The following NEK11 variants were observed in gnomAD, a reference collection of about 807,000 sequenced individuals.
NEK11 encodes the protein serine/threonine-protein kinase Nek11.
A neutral mutation model predicts 80.7 loss-of-function variants in NEK11; 72 were observed. The ratio of observed to expected loss-of-function variants is 0.89; its 90% CI spans 0.74 to 1.08. The LOEUF is 1.08. Ranked by LOEUF, NEK11 falls within the 50% of genes least tolerant of loss-of-function variation. The pLI is 0.00. For synonymous variants in NEK11, 251 were observed against 260.7 expected, an observed-to-expected ratio of 0.96 and a Z score of 0.36; for missense variants, 764 against 763.6, an observed-to-expected ratio of 1.00 and a Z score of -0.01.
At chr3:131,066,391 C>T (rs1014406392) in intron 3 of NEK11, among the ~76,000 whole-genome samples, 3 of 151,914 alleles carry the variant, frequency 2.0e-5, no homozygotes, top group African/African-American at 4.8e-5. Context: ...GCACCTCTCC[C>T]TTTTTTTTCC....
intron 17 of NEK11, among the ~76,000 whole-genome samples, chr3:131,275,886 G>A (rs184068875): frequency 1.6e-4 from 24 of 152,318 alleles, no homozygotes; most frequent in Admixed American, 1.3e-3. Context: ...AATGCAAAAC[G>A]TTAAATGACA....
intron 4 of NEK11, among the ~76,000 whole-genome samples, chr3:131,083,114 G>A (rs925328858): frequency 1.3e-5 from 2 of 152,208 alleles, no homozygotes; most frequent in East Asian, 1.9e-4. Context: ...AATTCTGGGG[G>A]TGGGGTTCTG....
chr3:131,124,179 G>A (rs951135858), intron 5 of NEK11, among the ~76,000 whole-genome samples: 2 of 152,146 alleles, frequency 1.3e-5, no homozygotes, highest in African/African-American at 4.8e-5. Context: ...TAAGAGTAGG[G>A]AAGTATTTCC....
intron 16 of NEK11, among the ~76,000 whole-genome samples, chr3:131,244,849 A>G (rs2095573433): frequency 6.6e-6 from 1 of 152,082 alleles, no homozygotes; most frequent in Non-Finnish European, 1.5e-5. Context: ...CCTTGAGCCC[A>G]AGAGATTTAG....
chr3:131,132,234 T>G (rs2084627426), intron 5 of NEK11, among the ~76,000 whole-genome samples: 1 of 152,064 alleles, frequency 6.6e-6, no homozygotes, highest in African/African-American at 2.4e-5. Flanking sequence ...TGCAAAGATT[T>G]TCAAGTTTTC....
At chr3:131,078,597 C>T (rs1191282376) in intron 3 of NEK11, among the ~76,000 whole-genome samples, 1 of 152,064 alleles carries the variant, frequency 6.6e-6, no homozygotes, top group Admixed American at 6.6e-5. Context: ...TCTGGTAATG[C>T]CTGAGGATAT....
intron 15 of NEK11, among the ~76,000 whole-genome samples, chr3:131,236,773 C>T (rs2095438300): frequency 6.6e-6 from 1 of 152,190 alleles, no homozygotes; most frequent in African/African-American, 2.4e-5. Flanking sequence ...TTCCTGATTT[C>T]AGGGAAGCCC....
chr3:131,183,033 C>T (rs1490766964), intron 14 of NEK11, among the ~76,000 whole-genome samples: 2 of 152,188 alleles, frequency 1.3e-5, no homozygotes, highest in South Asian at 2.1e-4. Context: ...TAAATTTAGC[C>T]TCCTTTTATT....
intron 5 of NEK11, among the ~76,000 whole-genome samples, chr3:131,123,111 G>A (rs1307115115): frequency 6.6e-6 from 1 of 152,136 alleles, no homozygotes; most frequent in Non-Finnish European, 1.5e-5. Context: ...GCCAAACATA[G>A]GATAAAATTA....
At chr3:131,305,147 T>C (rs2096709705) in intron 17 of NEK11, among the ~76,000 whole-genome samples, 1 of 150,722 alleles carries the variant, frequency 6.6e-6, no homozygotes, top group South Asian at 2.1e-4. Context: ...AGCAGTGCTA[T>C]GGTGTGTGCA....
At chr3:131,045,445 A>G (rs912022540) in intron 3 of NEK11, among the ~76,000 whole-genome samples, 1 of 152,094 alleles carries the variant, frequency 6.6e-6, no homozygotes, top group Admixed American at 6.5e-5. Flanking sequence ...ATTTCAATGT[A>G]TTTCCATGGT....
At chr3:131,190,674 G>T (rs942626743) in intron 14 of NEK11, among the ~76,000 whole-genome samples, 39 of 152,004 alleles carry the variant, frequency 2.6e-4, no homozygotes, top group African/African-American at 8.9e-4. Context: ...CCATCCTCAG[G>T]TATTCTTTAT....
intron 16 of NEK11, among the ~76,000 whole-genome samples, chr3:131,244,816 T>C (rs1261386729): frequency 2.0e-5 from 3 of 152,032 alleles, no homozygotes; most frequent in East Asian, 1.9e-4. Context: ...CCTAACTCCA[T>C]GGGATGCTGA....
At chr3:131,044,443 A>AAAAAAAGGG (rs71627025) in intron 3 of NEK11, among the ~76,000 whole-genome samples, 1 of 83,614 alleles carries the variant, frequency 1.2e-5, no homozygotes, top group African/African-American at 4.3e-5. Context: ...AAAAAAAAAA[A>AAAAAAAGGG]GGTGGGGGGG....
intron 3 of NEK11, among the ~76,000 whole-genome samples, chr3:131,057,570 G>A (rs576836822): frequency 1.6e-3 from 238 of 152,164 alleles, no homozygotes; most frequent in African/African-American, 5.4e-3. Flanking sequence ...ACTTTTTAAT[G>A]ATTGCCATTC....
At chr3:131,251,920 G>A (rs2095711791) in intron 16 of NEK11, among the ~76,000 whole-genome samples, 4 of 152,092 alleles carry the variant, frequency 2.6e-5, no homozygotes, top group Non-Finnish European at 5.9e-5. Flanking sequence ...GAAACTCATA[G>A]CAGGACCCTC....
chr3:131,124,314 T>C (rs2082910468), intron 5 of NEK11, among the ~76,000 whole-genome samples: 1 of 152,226 alleles, frequency 6.6e-6, no homozygotes, highest in African/African-American at 2.4e-5. Flanking sequence ...CTTTCTATTA[T>C]CTGGGCTACT....
chr3:131,188,216 A>G (rs1691754235), intron 14 of NEK11, among the ~76,000 whole-genome samples: 1 of 152,116 alleles, frequency 6.6e-6, no homozygotes, highest in Non-Finnish European at 1.5e-5. Flanking sequence ...GGCCTAAACA[A>G]TGTCCATTTA....
rs564307390 is a variant in NEK11, at chr3:131,348,734, G to C, written c.1719-823G>C. Among the ~76,000 whole-genome samples the C allele has an allele frequency of 1.3e-4, 20 of 151,176 alleles. No homozygotes were observed. The South Asian group carries it at 4.2e-3, about 32-fold the overall frequency. ...TATGTTGACATATGGACAATCACTG[G>C]AAGTGTGGAAAAAATGAATGTCGGC... On this transcript the variant is annotated intron_variant, in intron 17 of 17. Transcript: ENST00000383366.
Sources: allele counts gnomAD v4.1 joint callset (sites outside exome capture counted in the v4.1 genomes callset), GRCh38; gene constraint gnomAD v4.1.1; transcripts MANE v1.5; gene names NCBI Gene and HGNC (gene_info 2026-07-23, HGNC 2026-07-21).